Variants in GRM7 observed in about 807,000 individuals in gnomAD.
GRM7 encodes the protein metabotropic glutamate receptor 7.
A neutral mutation model predicts 84.5 loss-of-function variants in GRM7; 35 were observed. The ratio of observed to expected loss-of-function variants is 0.41; its 90% CI spans 0.32 to 0.55. The LOEUF (loss-of-function observed/expected upper bound fraction) is 0.55, where lower values mean the gene tolerates loss of function less well. GRM7 is among the 20% of genes least tolerant of loss of function. The pLI is 0.19. For synonymous variants in GRM7, 487 were observed against 455.1 expected (o/e 1.07, Z -0.89); for missense variants, 1,003 against 1,194.6 (o/e 0.84, Z 2.36).
chr3:7,002,317 C>G (rs1343058422), intron 1 of GRM7, among the ~76,000 whole-genome samples: 1 of 152,108 alleles, frequency 6.6e-6, no homozygotes, highest in Non-Finnish European at 1.5e-5. Context: ...GGTTCCTCTA[C>G]TAAAAAACAG....
chr3:7,663,041 T>C (rs1276780792), intron 8 of GRM7, among the ~76,000 whole-genome samples: 2 of 152,210 alleles, frequency 1.3e-5, no homozygotes, highest in Non-Finnish European at 2.9e-5. Flanking sequence ...AGTTATAGAA[T>C]AAATTACATT....
At chr3:7,091,803 G>T (rs1046805237) in intron 1 of GRM7, among the ~76,000 whole-genome samples, 1 of 150,268 alleles carries the variant, frequency 6.7e-6, no homozygotes, top group Non-Finnish European at 1.5e-5. Context: ...TAGAAACCCT[G>T]AATTATACAG....
At chr3:7,121,267 A>G (rs1387096814) in intron 1 of GRM7, among the ~76,000 whole-genome samples, 3 of 152,076 alleles carry the variant, frequency 2.0e-5, no homozygotes, top group Admixed American at 2.0e-4. Context: ...AAGAAGAACC[A>G]TTTGACTTTT....
At chr3:7,269,754 C>A (rs558222237) in intron 2 of GRM7, among the ~76,000 whole-genome samples, 1 of 152,204 alleles carries the variant, frequency 6.6e-6, no homozygotes, top group Non-Finnish European at 1.5e-5. Flanking sequence ...TCTGGACTTT[C>A]ATTTGGCAAC....
intron 2 of GRM7, among the ~76,000 whole-genome samples, chr3:7,270,053 T>C (rs1266629395): frequency 2.6e-5 from 4 of 152,178 alleles, no homozygotes; most frequent in Non-Finnish European, 4.4e-5. Flanking sequence ...ACGCCCAGAG[T>C]TTCTGACTCA....
chr3:7,435,122 T>G (rs1053209365), intron 5 of GRM7, among the ~76,000 whole-genome samples: 3 of 152,124 alleles, frequency 2.0e-5, no homozygotes, highest in Admixed American at 2.0e-4. Context: ...TTAGTGTCTG[T>G]TGCATCTGTA....
chr3:6,985,676 A>C (rs1303724288), intron 1 of GRM7, among the ~76,000 whole-genome samples: 1 of 152,180 alleles, frequency 6.6e-6, no homozygotes, highest in East Asian at 1.9e-4. Context: ...ACTAAGCTCC[A>C]CTTCTCTTTT....
chr3:7,219,208 A>G (rs747246734), intron 2 of GRM7, among the ~76,000 whole-genome samples: 15 of 152,004 alleles, frequency 9.9e-5, no homozygotes, highest in Non-Finnish European at 1.9e-4. Context: ...TTCTAAATCT[A>G]GATTTTTCAT....
chr3:7,461,871 T>C lies in GRM7; in HGVS notation c.1515+149T>C. The C allele has an allele frequency of 4.4e-6, 3 of 686,160 alleles. No individual in the cohort carries two copies. In the South Asian group the frequency reaches 5.3e-5, roughly 12 times the overall value. 42.5% of individuals were successfully genotyped at this position (686,160 alleles called of 1,614,324 possible). A position where few individuals can be genotyped will look rare whatever the true frequency, so the allele number is the denominator to read the frequency against. ...TTGTGGGCATCAGCAGGAACTGATATCCAATAATAATGATGGTGATGACGA... is the reference window on the plus strand; with the variant it reads ...TTGTGGGCATCAGCAGGAACTGATACCCAATAATAATGATGGTGATGACGA... On this transcript the variant is annotated intron_variant, in intron 7 of 9. Coordinates refer to ENST00000357716, the MANE Select transcript of GRM7 (RefSeq NM_000844.4).
intron 7 of GRM7, among the ~76,000 whole-genome samples, chr3:7,483,586 G>T (rs1263593182): frequency 6.6e-6 from 1 of 152,116 alleles, no homozygotes; most frequent in African/African-American, 2.4e-5. Flanking sequence ...GAAGAGTTTG[G>T]GTTTTATTAA....
chr3:7,326,065 C>G (rs997935885), intron 4 of GRM7, among the ~76,000 whole-genome samples: 4 of 130,170 alleles, frequency 3.1e-5, no homozygotes, highest in African/African-American at 1.1e-4. Context: ...GGCCCCAAAG[C>G]ATGAACACTA....
At chr3:7,229,755 ATATAT>A (rs1559514722) in intron 2 of GRM7, among the ~76,000 whole-genome samples, 38 of 28,480 alleles carry the variant, frequency 1.3e-3, no homozygotes, top group Admixed American at 2.6e-3. Context: ...ATATATATAT[ATATAT>A]TTTTTTTTTT....
intron 8 of GRM7, among the ~76,000 whole-genome samples, chr3:7,594,918 C>A (rs1204937763): frequency 6.6e-6 from 1 of 150,758 alleles, no homozygotes; most frequent in Non-Finnish European, 1.5e-5. Flanking sequence ...AAAGTGCCTT[C>A]TATTCCCTAG....
chr3:7,672,387 C>T (rs964687911), intron 8 of GRM7, among the ~76,000 whole-genome samples: 1 of 152,124 alleles, frequency 6.6e-6, no homozygotes. Flanking sequence ...TAATAATGTA[C>T]CCTTCCTCTT....
At chr3:7,708,478 G>C (rs190260263) in intron 9 of GRM7, among the ~76,000 whole-genome samples, 1 of 152,146 alleles carries the variant, frequency 6.6e-6, no homozygotes, top group Non-Finnish European at 1.5e-5. Context: ...GAGAGGTGAC[G>C]TCTGATCCAT....
chr3:6,907,117 G>C (rs752871806), intron 1 of GRM7, among the ~76,000 whole-genome samples: 5 of 151,896 alleles, frequency 3.3e-5, no homozygotes, highest in Admixed American at 1.3e-4. Flanking sequence ...TGTTGCCCAG[G>C]CTGTCTTGAA....
intron 7 of GRM7, among the ~76,000 whole-genome samples, chr3:7,485,957 G>C (rs553672235): frequency 6.6e-6 from 1 of 152,110 alleles, no homozygotes; most frequent in Admixed American, 6.5e-5. Context: ...GTAACTTAAG[G>C]TGCCTTTAAC....
At chr3:7,697,936 C>T (rs1176679392) in intron 9 of GRM7, among the ~76,000 whole-genome samples, 5 of 152,092 alleles carry the variant, frequency 3.3e-5, no homozygotes, top group Non-Finnish European at 7.4e-5. Context: ...TTCTTGTGTT[C>T]GAACAAATCG....
At chr3:6,901,096 A>G (rs1457410254) in intron 1 of GRM7, among the ~76,000 whole-genome samples, 1 of 152,210 alleles carries the variant, frequency 6.6e-6, no homozygotes, top group Non-Finnish European at 1.5e-5. Flanking sequence ...TGTATATTAC[A>G]TTTACATTTG....
Sources: allele counts gnomAD v4.1 joint callset (sites outside exome capture counted in the v4.1 genomes callset), GRCh38; gene constraint gnomAD v4.1.1; transcripts MANE v1.5; gene names NCBI Gene and HGNC (gene_info 2026-07-23, HGNC 2026-07-21).